The following TRAK1 variants were observed in gnomAD, a reference collection of about 807,000 sequenced individuals.
TRAK1 encodes the protein trafficking kinesin protein 1.
TRAK1 carries 33 observed loss-of-function variants against 92.1 expected under a neutral mutation model. That is an observed-to-expected ratio of 0.36 (90% CI 0.27 to 0.48). The LOEUF (loss-of-function observed/expected upper bound fraction) is 0.48, where lower values mean the gene tolerates loss of function less well. Ranked by LOEUF, TRAK1 falls within the 20% of genes least tolerant of loss-of-function variation. The pLI is 0.99. For missense variants in TRAK1, 1,123 were observed against 1,257.9 expected (o/e 0.89, Z 1.62); for synonymous variants, 521 against 517.3 (o/e 1.01, Z -0.10).
intron 1 of TRAK1, among the ~76,000 whole-genome samples, chr3:42,111,502 T>C (rs1385465299): frequency 6.6e-6 from 1 of 152,044 alleles, no homozygotes; most frequent in African/African-American, 2.4e-5. Context: ...TTCACAACAT[T>C]ACCCTGTCTC....
chr3:42,184,646 G>A (rs757890168), intron 3 of TRAK1, 39 bp from the exon 4 acceptor site: 33 of 1,599,166 alleles, frequency 2.1e-5, no homozygotes, highest in Non-Finnish European at 2.6e-5. Flanking sequence ...AGGAAACACA[G>A]GTCTTTTGAA....
chr3:42,020,404 G>A (rs922111901), intron 1 of TRAK1, among the ~76,000 whole-genome samples: 4 of 152,164 alleles, frequency 2.6e-5, no homozygotes, highest in Non-Finnish European at 4.4e-5. Flanking sequence ...GAGTCATATA[G>A]TGTGTACTTT....
rs747992926 is a variant in TRAK1 at position 42,202,423 on chromosome 3, TTTC to T, written c.1428-6_1428-4del. ...TGCTGGCATTCCACCCTCACACCCC[TTTC>T]TTCTTCCAGAAACGATGAGCGGAGT... On this transcript the variant is annotated splice_polypyrimidine_tract_variant and intron_variant, in intron 12 of 15. Coordinates refer to ENST00000327628, the MANE Select transcript of TRAK1 (RefSeq NM_001042646.3). This position sits in a 1 kb window ranked among gnomAD's most constrained non-coding sequence, Gnocchi z 6.1. The T allele has an allele frequency of 1.3e-4, 196 of 1,476,362 alleles. No individual in the cohort carries two copies. The South Asian group carries it at 1.8e-3, about 14-fold the overall frequency. The allele number at this position is 1,476,362 out of a possible 1,614,324, so 91.5% of individuals were successfully genotyped here.
intron 2 of TRAK1, among the ~76,000 whole-genome samples, chr3:42,142,213 G>T (rs1698760704): frequency 6.6e-6 from 1 of 152,180 alleles, no homozygotes; most frequent in African/African-American, 2.4e-5. Context: ...CTTCCAGGTG[G>T]ACATTATCTT....
At position 42,223,903 on chromosome 3, in the gene TRAK1, CTT is replaced by C. The variant is rs1353485179; in HGVS notation, c.*168_*169del. ...GTGCCTAATGGAGGAAGTGTGGAAA[CTT>C]TGTAAAATGTGTACATAGGACTTGG... On this transcript the variant is annotated 3_prime_UTR_variant, in exon 16 of 16. Coordinates refer to ENST00000327628, the MANE Select transcript of TRAK1 (RefSeq NM_001042646.3). This position sits in a 1 kb window ranked among gnomAD's most constrained non-coding sequence, Gnocchi z 6.1. The C allele has an allele frequency of 1.2e-5, 10 of 813,650 alleles. No individual in the cohort carries two copies. Among genetic ancestry groups the C allele is most frequent in the Non-Finnish European group, 1.7e-5 (9 of 516,250 alleles). The allele number at this position is 813,650 out of a possible 1,614,324, so 50.4% of individuals were successfully genotyped here.
intron 1 of TRAK1, among the ~76,000 whole-genome samples, chr3:42,113,112 T>TG (rs57830915): frequency 1 from 152,234 of 152,234 alleles, 76,117 homozygotes; most frequent in Non-Finnish European, 1. Context: ...CAGGGCGCTG[T>TG]GCTTATGCCT....
intron 1 of TRAK1, among the ~76,000 whole-genome samples, chr3:42,047,200 CTTTTTTTTT>C (rs561224807): frequency 2.8e-5 from 3 of 107,154 alleles, no homozygotes; most frequent in Non-Finnish European, 3.8e-5. Context: ...AAAAACTGAT[CTTTTTTTTT>C]TTTTTTTTTT....
chr3:42,053,614 C>A (rs1703077176), intron 1 of TRAK1, among the ~76,000 whole-genome samples: 1 of 152,064 alleles, frequency 6.6e-6, no homozygotes, highest in South Asian at 2.1e-4. Context: ...GCCCAGAGGA[C>A]CTGGCAAAAG....
At chr3:42,118,612 A>G (rs1709464619) in intron 1 of TRAK1, among the ~76,000 whole-genome samples, 2 of 152,182 alleles carry the variant, frequency 1.3e-5, no homozygotes, top group Admixed American at 1.3e-4. Context: ...GAGAATGGAC[A>G]CAGCTGCTTC....
rs750499857 is a variant in TRAK1, at chr3:42,101,601, C to T, written c.91+10041C>T. ...CCAGAGAGTAAATCTTTTAGGTTTG[C>T]AGGTCAGAAGGTCTCTGTCTCAACT... On this transcript the variant is annotated intron_variant, in intron 1 of 15. Coordinates refer to ENST00000327628, the MANE Select transcript of TRAK1 (RefSeq NM_001042646.3). Among the ~76,000 whole-genome samples, 59 of 152,208 alleles carry T rather than the reference C, an allele frequency of 3.9e-4. 1 individual carries two copies. The highest frequency in any genetic ancestry group is 7.6e-4 in the Non-Finnish European group (52 of 68,044).
upstream of TRAK1, among the ~76,000 whole-genome samples, chr3:42,083,369 C>G (rs1704523750): frequency 6.6e-6 from 1 of 152,096 alleles, no homozygotes; most frequent in Admixed American, 6.6e-5. Context: ...GGTTTAATTT[C>G]CCTGCCAGTT....
chr3:42,180,732 G>A (rs1049845716), intron 3 of TRAK1, among the ~76,000 whole-genome samples: 10 of 150,854 alleles, frequency 6.6e-5, no homozygotes, highest in African/African-American at 2.4e-4. Flanking sequence ...GAGAAAGAAA[G>A]GGATATCATC....
chr3:42,015,447 TCTC>T (rs551143734), intron 1 of TRAK1, among the ~76,000 whole-genome samples: 230 of 152,112 alleles, frequency 1.5e-3, no homozygotes, highest in Non-Finnish European at 2.4e-3. Flanking sequence ...CTGTGTTGCT[TCTC>T]CTTCTCTGTG....
intron 7 of TRAK1, 128 bp from the exon 8 acceptor site, chr3:42,192,947 C>T (rs1412515943): frequency 1.5e-6 from 2 of 1,356,444 alleles, no homozygotes; most frequent in African/African-American, 2.9e-5. Context: ...TTCCTGCACC[C>T]TCCCCACTCT....
intron 1 of TRAK1, among the ~76,000 whole-genome samples, chr3:42,107,378 G>C (rs1707719864): frequency 6.6e-6 from 1 of 152,098 alleles, no homozygotes. Context: ...CTGGCGTGGT[G>C]GTGCGTGCCT....
intron 1 of TRAK1, among the ~76,000 whole-genome samples, chr3:42,038,549 G>T (rs1702410893): frequency 6.6e-6 from 1 of 152,138 alleles, no homozygotes; most frequent in South Asian, 2.1e-4. Context: ...ACTTTGGGAG[G>T]CCAAGGCGGG....
intron 1 of TRAK1, among the ~76,000 whole-genome samples, chr3:42,015,165 G>A (rs1559697968): frequency 6.6e-6 from 1 of 152,150 alleles, no homozygotes; most frequent in African/African-American, 2.4e-5. Flanking sequence ...CTTCCCCTCT[G>A]TCTCTCGGTT....
upstream of TRAK1, among the ~76,000 whole-genome samples, chr3:42,082,337 G>C (rs1323779574): frequency 2.0e-5 from 3 of 152,088 alleles, no homozygotes; most frequent in African/African-American, 4.8e-5. Context: ...GGCAGCTCAC[G>C]CCTGTAATCC....
At chr3:42,149,099 C>T in intron 2 of TRAK1, 1 of 788,894 alleles carries the variant, frequency 1.3e-6, no homozygotes, top group Non-Finnish European at 1.5e-6. Flanking sequence ...TCAGAGCCGG[C>T]CAGTTTCTAT....
Sources: gnomAD v4.1 joint callset for allele counts (sites outside exome capture counted in the v4.1 genomes callset) on GRCh38, gnomAD v4.1.1 for gene constraint, Gnocchi (gnomAD v3.1) non-coding constraint, MANE v1.5 for transcripts, NCBI Gene and HGNC (gene_info 2026-07-23, HGNC 2026-07-21) for gene names.